Variants in ASPSCR1 observed in about 807,000 individuals in gnomAD.
ASPSCR1 encodes the protein ASPSCR1 tether for SLC2A4, UBX domain containing, also known as tether containing UBX domain for GLUT4.
In ASPSCR1, 55 loss-of-function variants were observed where a neutral mutation model predicts 68.9. The ratio of observed to expected loss-of-function variants is 0.80; its 90% CI spans 0.64 to 1.00. The LOEUF (loss-of-function observed/expected upper bound fraction) is 1.00, where lower values mean the gene tolerates loss of function less well. Among genes scored for constraint, ASPSCR1 ranks in the 50% least tolerant of loss-of-function variants. The pLI is 0.00. For synonymous variants in ASPSCR1, 352 were observed against 332.6 expected (o/e 1.06, Z -0.63); for missense variants, 765 against 762.2 (o/e 1.00, Z -0.04).
At chr17:81,980,036 G>A (rs1049290079) in intron 2 of ASPSCR1, among the ~76,000 whole-genome samples, 8 of 152,200 alleles carry the variant, frequency 5.3e-5, no homozygotes, top group African/African-American at 1.7e-4. Flanking sequence ...AGGCTGGAGT[G>A]CAGTGGCACG....
At chr17:81,992,472 C>G (rs1312677469) in intron 4 of ASPSCR1, among the ~76,000 whole-genome samples, 1 of 152,218 alleles carries the variant, frequency 6.6e-6, no homozygotes, top group Non-Finnish European at 1.5e-5. Flanking sequence ...TTGAGGTCCC[C>G]AAGCTGGCGG....
Position 81,995,671 on chromosome 17 carries a change from G to T in ASPSCR1, c.433-321G>T. 8 of 530,234 alleles carry T rather than the reference G, an allele frequency of 1.5e-5. No homozygotes were observed. In the South Asian group the frequency reaches 1.7e-4, roughly 11 times the overall value. The allele number at this position is 530,234 out of a possible 1,614,324, so 32.8% of individuals were successfully genotyped here. A position where few individuals can be genotyped will look rare whatever the true frequency, so the allele number is the denominator to read the frequency against. ...TCCTGCCTCTCTCGCTCCGGGCAGTGGGTCCTGGCACCAGGGCTTCCTCCT... is the reference window on the plus strand; with the variant it reads ...TCCTGCCTCTCTCGCTCCGGGCAGTTGGTCCTGGCACCAGGGCTTCCTCCT... On this transcript the variant is annotated intron_variant, in intron 5 of 15. Transcript: ENST00000306739.
At chr17:81,995,178 TGTGG>T in intron 5 of ASPSCR1, 1 of 486,670 alleles carries the variant, frequency 2.1e-6, no homozygotes. Flanking sequence ...CAAAACCGAG[TGTGG>T]CGTGGCGCAA....
intron 2 of ASPSCR1, among the ~76,000 whole-genome samples, chr17:81,982,420 G>A (rs561929424): frequency 1.2e-4 from 18 of 152,356 alleles, no homozygotes; most frequent in African/African-American, 4.3e-4. Flanking sequence ...TGCTTACAAA[G>A]TGCAGCCGGT....
chr17:81,989,224 T>C (rs2042087420), intron 4 of ASPSCR1, among the ~76,000 whole-genome samples: 1 of 152,150 alleles, frequency 6.6e-6, no homozygotes, highest in Admixed American at 6.5e-5. Context: ...AAATATTAAA[T>C]AAATTTCTAA....
chr17:81,994,565 G>C (rs955506572), intron 4 of ASPSCR1, among the ~76,000 whole-genome samples: 41 of 152,182 alleles, frequency 2.7e-4, no homozygotes, highest in Non-Finnish European at 5.9e-4. Context: ...TGGAGGTCTC[G>C]GGGGGAGCCC....
chr17:81,991,980 G>C (rs2042184347), intron 4 of ASPSCR1, among the ~76,000 whole-genome samples: 2 of 152,280 alleles, frequency 1.3e-5, no homozygotes, highest in African/African-American at 2.4e-5. Flanking sequence ...TGCCCTCGAA[G>C]CCAGCAGCAG....
In ASPSCR1 at chr17:82,016,570, C is replaced by T. The variant is rs1395376603; in HGVS notation, c.1405+43C>T. On this transcript the variant is annotated intron_variant, in intron 13 of 15. Coordinates refer to ENST00000306739, the MANE Select transcript of ASPSCR1 (RefSeq NM_024083.4). ...GGGCCAGTGTCGGAGTCCAGCCAGC[C>T]TGTCCCTGGACCTCAGAGCCAGCTG... 9.7e-6 allele frequency: 15 copies of T among 1,548,520 alleles called. 1 individual carries two copies. In the Admixed American group the frequency reaches 2.2e-4, roughly 22 times the overall value.
In ASPSCR1 at chr17:81,999,148, AC is replaced by A. The variant is rs1185874288; in HGVS notation, c.933+2303del. ...TGTGCCAAAAGAGGCAGACTGGGGG[AC>A]TGTCATGCGGCTTTCGGTGACAGGG... On this transcript the variant is annotated intron_variant, in intron 7 of 15. Coordinates refer to ENST00000306739, the MANE Select transcript of ASPSCR1 (RefSeq NM_024083.4). This position sits in a 1 kb window ranked among gnomAD's most constrained non-coding sequence, Gnocchi z 4.4. Among the ~76,000 whole-genome samples, 1 of 152,062 alleles carries A rather than the reference AC, an allele frequency of 6.6e-6. No homozygotes were observed. Among genetic ancestry groups the A allele is most frequent in the Non-Finnish European group, 1.5e-5 (1 of 67,986 alleles).
intron 3 of ASPSCR1, among the ~76,000 whole-genome samples, chr17:81,985,224 A>AC (rs1004332435): frequency 6.8e-5 from 10 of 147,794 alleles, no homozygotes; most frequent in South Asian, 6.6e-4. Flanking sequence ...ACAACTGCAC[A>AC]CCCCCGCACA....
intron 4 of ASPSCR1, among the ~76,000 whole-genome samples, chr17:81,993,370 C>T (rs532275306): frequency 5.2e-4 from 79 of 152,182 alleles, no homozygotes; most frequent in African/African-American, 1.8e-3. Flanking sequence ...CCCGCCACCA[C>T]GCCTGGCTAA....
At chr17:82,013,189 C>T (rs4995642) in intron 12 of ASPSCR1, 69,579 of 152,014 alleles carry the variant, frequency 0.46, 17,031 homozygotes, top group Non-Finnish European at 0.54. Flanking sequence ...GAGACAGTCC[C>T]CTCTCAGCCC....
chr17:82,004,136 T>A (rs1239313957), intron 7 of ASPSCR1, among the ~76,000 whole-genome samples: 1 of 152,224 alleles, frequency 6.6e-6, no homozygotes, highest in African/African-American at 2.4e-5. Context: ...CTCTGGGCAG[T>A]GTCCCGGCCT....
chr17:81,985,465 C>G lies in ASPSCR1; in HGVS notation c.274-42C>G, dbSNP rs757059664. 3.1e-6 allele frequency: 5 copies of G among 1,587,772 alleles called. No homozygotes were observed. The South Asian group carries it at 5.5e-5, about 18-fold the overall frequency. ...GTCTGGGATTTAGAAGGAATAGTTG[C>G]TTTTCTTCCTAAGGAAGTTTCTCAT... is the stretch of plus-strand genomic sequence containing the variant. On this transcript the variant is annotated intron_variant, in intron 3 of 15. Transcript: ENST00000306739.
chr17:82,015,439 T>C, intron 12 of ASPSCR1: 1 of 1,473,626 alleles, frequency 6.8e-7, no homozygotes, highest in East Asian at 2.4e-5. Flanking sequence ...CAAGCCTACT[T>C]CCCTCTCCTG....
In ASPSCR1 at chr17:81,983,529, A is replaced by T. The variant is rs1292331334; in HGVS notation, c.159-25A>T. The stretch of plus-strand genomic sequence containing the variant: ...GGCGTGTCAGGCTCTGCAGGGCAGC[A>T]AGTGTGCTCTGGTCTGTCTTGCAGG... On this transcript the variant is annotated intron_variant, in intron 2 of 15. Transcript: ENST00000306739. This position sits in a 1 kb window ranked among gnomAD's most constrained non-coding sequence, Gnocchi z 4.4. 6.4e-7 allele frequency: 1 copy of T among 1,561,702 alleles called. No homozygotes were observed.
chr17:81,986,412 G>T lies in ASPSCR1; in HGVS notation c.374+805G>T, dbSNP rs2144013570. On this transcript the variant is annotated intron_variant, in intron 4 of 15. Transcript: ENST00000306739. The surrounding 1 kb of genome is among the most constrained non-coding windows in gnomAD (Gnocchi z 5.2). ...CTGCTGCACTCCAGCCTGGGCAACA[G>T]AACGAGACTCTGTCTCAAAAAAATA... is the stretch of plus-strand genomic sequence containing the variant. Among the ~76,000 whole-genome samples the T allele has an allele frequency of 6.6e-6, 1 of 152,294 alleles. No homozygotes were observed. Among genetic ancestry groups the T allele is most frequent in the South Asian group, 2.1e-4 (1 of 4,818 alleles).
At chr17:82,013,004 G>T (rs1055993064) in intron 12 of ASPSCR1, 1 of 151,840 alleles carries the variant, frequency 6.6e-6, no homozygotes, top group South Asian at 2.1e-4. Context: ...ACAGAGGCGG[G>T]TTTTTTTTTA....
chr17:82,000,661 G>A (rs1161179046), intron 7 of ASPSCR1, among the ~76,000 whole-genome samples: 1 of 152,250 alleles, frequency 6.6e-6, no homozygotes, highest in African/African-American at 2.4e-5. Context: ...AGAAGGAAGA[G>A]ACAGGATAAA....
Sources: gnomAD v4.1 joint callset for allele counts (sites outside exome capture counted in the v4.1 genomes callset) on GRCh38, gnomAD v4.1.1 for gene constraint, Gnocchi (gnomAD v3.1) non-coding constraint, MANE v1.5 for transcripts, NCBI Gene and HGNC (gene_info 2026-07-23, HGNC 2026-07-21) for gene names.